Variants in COMMD10 observed in about 807,000 individuals in gnomAD.
COMMD10 encodes COMM domain-containing protein 10.
COMMD10 carries 33 observed loss-of-function variants against 28.9 expected under a neutral mutation model. That is an observed-to-expected ratio of 1.14 (90% confidence interval 0.87 to 1.53). COMMD10 has a LOEUF of 1.53. COMMD10 is among the 40% of genes most tolerant of loss of function. COMMD10 has a pLI of 0.00. For missense variants in COMMD10, 310 were observed against 233.4 expected (o/e 1.33, Z -2.14); for synonymous variants, 110 against 81.7 (o/e 1.35, Z -1.87).
At chr5:116,275,087 G>C (rs1750867682) in intron 5 of COMMD10, among the ~76,000 whole-genome samples, 1 of 151,736 alleles carries the variant, frequency 6.6e-6, no homozygotes, top group South Asian at 2.1e-4. Flanking sequence ...CTATCTCAAT[G>C]AATGGCCCTA....
intron 5 of COMMD10, among the ~76,000 whole-genome samples, chr5:116,266,877 C>T (rs1160935501): frequency 6.6e-6 from 1 of 151,766 alleles, no homozygotes; most frequent in Non-Finnish European, 1.5e-5. Flanking sequence ...GCAGAAAAGG[C>T]CTTTGACAAA....
chr5:116,262,758 C>A (rs1341930200), intron 5 of COMMD10, among the ~76,000 whole-genome samples: 1 of 151,778 alleles, frequency 6.6e-6, no homozygotes, highest in African/African-American at 2.4e-5. Flanking sequence ...CCTCATTACT[C>A]ATTCCCAAAA....
chr5:116,108,384 A>T (rs2112732538), intron 4 of COMMD10, among the ~76,000 whole-genome samples: 1 of 152,234 alleles, frequency 6.6e-6, no homozygotes. Context: ...AGAGAGGAGG[A>T]ATCTAGACTG....
At chr5:116,223,490 C>T (rs1011279802) in intron 5 of COMMD10, among the ~76,000 whole-genome samples, 1 of 152,088 alleles carries the variant, frequency 6.6e-6, no homozygotes, top group Non-Finnish European at 1.5e-5. Context: ...ACATCCTGGT[C>T]AATGAAACAT....
At chr5:116,235,414 C>G (rs1181166512) in intron 5 of COMMD10, among the ~76,000 whole-genome samples, 2 of 152,154 alleles carry the variant, frequency 1.3e-5, no homozygotes. Flanking sequence ...TTAAGCATTT[C>G]AGGTATTTCA....
At chr5:116,116,710 T>TC (rs1751245638) in intron 4 of COMMD10, among the ~76,000 whole-genome samples, 1 of 67,088 alleles carries the variant, frequency 1.5e-5, no homozygotes, top group Non-Finnish European at 4.4e-5. Flanking sequence ...GAGATTTTTT[T>TC]TTTTTTTTTT....
chr5:116,239,191 A>G (rs1307174870), intron 5 of COMMD10, among the ~76,000 whole-genome samples: 3 of 152,184 alleles, frequency 2.0e-5, no homozygotes, highest in Non-Finnish European at 4.4e-5. Flanking sequence ...TTCACACAAG[A>G]ATCTTAGTGG....
chr5:116,202,268 C>T (rs1285048669), intron 5 of COMMD10, among the ~76,000 whole-genome samples: 1 of 151,636 alleles, frequency 6.6e-6, no homozygotes, highest in African/African-American at 2.4e-5. Flanking sequence ...GCCACATTTT[C>T]TTAATCCAGT....
chr5:116,276,915 G>T (rs1372633580), intron 5 of COMMD10, among the ~76,000 whole-genome samples: 1 of 151,722 alleles, frequency 6.6e-6, no homozygotes, highest in Non-Finnish European at 1.5e-5. Context: ...AGGACATAGG[G>T]TATCTTTTTG....
chr5:116,110,004 G>A (rs1750990822), intron 4 of COMMD10, among the ~76,000 whole-genome samples: 1 of 152,186 alleles, frequency 6.6e-6, no homozygotes, highest in African/African-American at 2.4e-5. Flanking sequence ...GTTGTCTGTG[G>A]GCTTGTCATA....
chr5:116,268,718 C>T (rs1433900971), intron 5 of COMMD10, among the ~76,000 whole-genome samples: 1 of 151,834 alleles, frequency 6.6e-6, no homozygotes, highest in Non-Finnish European at 1.5e-5. Context: ...CAGTGATAGA[C>T]TGGATTAAGA....
intron 5 of COMMD10, among the ~76,000 whole-genome samples, chr5:116,266,831 A>G (rs1427414015): frequency 6.6e-6 from 1 of 151,840 alleles, no homozygotes; most frequent in Admixed American, 6.6e-5. Context: ...TATAAACAGA[A>G]CCAAAGACAA....
At chr5:116,105,521 T>C (rs2112728483) in intron 4 of COMMD10, among the ~76,000 whole-genome samples, 1 of 152,340 alleles carries the variant, frequency 6.6e-6, no homozygotes, top group East Asian at 1.9e-4. Context: ...TGGAATAGTT[T>C]TAGAAGGAAT....
At chr5:116,216,499 A>G (rs1051803475) in intron 5 of COMMD10, among the ~76,000 whole-genome samples, 1 of 152,142 alleles carries the variant, frequency 6.6e-6, no homozygotes, top group Non-Finnish European at 1.5e-5. Context: ...AGCAGATGTT[A>G]CACATGTCTA....
At chr5:116,214,808 C>A (rs939469532) in intron 5 of COMMD10, among the ~76,000 whole-genome samples, 2 of 152,130 alleles carry the variant, frequency 1.3e-5, no homozygotes, top group African/African-American at 4.8e-5. Context: ...TGCAGTGATT[C>A]TTCTTTTTAT....
chr5:116,216,065 A>T (rs1749094488), intron 5 of COMMD10, among the ~76,000 whole-genome samples: 1 of 152,130 alleles, frequency 6.6e-6, no homozygotes, highest in African/African-American at 2.4e-5. Flanking sequence ...GAAGTAAAAC[A>T]ATCCAGACCA....
At chr5:116,103,197 G>T (rs1172584438) in intron 4 of COMMD10, among the ~76,000 whole-genome samples, 2 of 152,172 alleles carry the variant, frequency 1.3e-5, no homozygotes, top group South Asian at 2.1e-4. Context: ...TAATGGGATG[G>T]CTGGGTCAAA....
intron 5 of COMMD10, among the ~76,000 whole-genome samples, chr5:116,169,447 TC>T (rs374508928): frequency 6.6e-6 from 1 of 152,278 alleles, no homozygotes; most frequent in African/African-American, 2.4e-5. Flanking sequence ...CGGAAACTAT[TC>T]TGAACAATAG....
intron 4 of COMMD10, among the ~76,000 whole-genome samples, chr5:116,096,186 T>G (rs74570642): frequency 0.021 from 3,196 of 152,158 alleles, 108 homozygotes; most frequent in African/African-American, 0.071. Flanking sequence ...AATTTGTAAA[T>G]AACTTTATTG....
Sources: allele counts gnomAD v4.1 joint callset (sites outside exome capture counted in the v4.1 genomes callset), GRCh38; gene constraint gnomAD v4.1.1; transcripts MANE v1.5; gene names NCBI Gene and HGNC (gene_info 2026-07-23, HGNC 2026-07-21).